KAZN: variants seen among roughly 807,000 people sequenced by gnomAD.
KAZN encodes kazrin.
A neutral mutation model predicts 87.4 loss-of-function variants in KAZN; 40 were observed. The ratio of observed to expected loss-of-function variants is 0.46; its 90% confidence interval spans 0.36 to 0.60. KAZN has a LOEUF of 0.60. KAZN is among the 20% of genes least tolerant of loss of function. The probability of loss-of-function intolerance (pLI) is 0.00; values close to 1 mark genes in which losing one functional copy is unlikely to be tolerated. For synonymous variants in KAZN, 466 were observed against 458.3 expected (o/e 1.02, Z -0.22); for missense variants, 898 against 1,073.9 (o/e 0.84, Z 2.29).
chr1:14,711,064 G>A (rs1344285778), intron 1 of KAZN, among the ~76,000 whole-genome samples: 1 of 152,120 alleles, frequency 6.6e-6, no homozygotes, highest in Admixed American at 6.5e-5. Flanking sequence ...ATGGTGGTGT[G>A]TGCTTGTAGA....
intron 1 of KAZN, among the ~76,000 whole-genome samples, chr1:13,941,183 C>G (rs971607969): frequency 1.3e-5 from 2 of 152,034 alleles, no homozygotes; most frequent in South Asian, 4.2e-4. Flanking sequence ...GAGCAGGACT[C>G]CATCTAAAAC....
chr1:14,075,291 T>G (rs1480511048), intron 1 of KAZN, among the ~76,000 whole-genome samples: 21 of 152,202 alleles, frequency 1.4e-4, no homozygotes, highest in Non-Finnish European at 5.9e-5. Flanking sequence ...TACACATAAG[T>G]TAAAGCAACT....
chr1:14,939,531 A>G (rs57302023), intron 1 of KAZN, among the ~76,000 whole-genome samples: 5,479 of 150,590 alleles, frequency 0.036, 314 homozygotes, highest in African/African-American at 0.12. Flanking sequence ...ACCTCAGCCT[A>G]CCAAAGTGCT....
intron 2 of KAZN, among the ~76,000 whole-genome samples, chr1:14,233,722 G>A (rs1648091766): frequency 6.6e-6 from 1 of 152,168 alleles, no homozygotes; most frequent in South Asian, 2.1e-4. Flanking sequence ...TAAAGTACTG[G>A]TCAGAAAACC....
rs533557423 is a variant in KAZN, at chr1:14,465,341, G to A, written c.250-133642G>A. On this transcript the variant is annotated intron_variant, in intron 2 of 16. Coordinates refer to the KAZN transcript ENST00000636203. ...GTGAACCCGGGAGGTGGAGCTGGCA[G>A]TGAGCTGAGATTGTGCCACTGCACT... Among the ~76,000 whole-genome samples the A allele has an allele frequency of 5.4e-5, 8 of 148,204 alleles. No homozygotes were observed. In the East Asian group the frequency reaches 1.6e-3, roughly 30 times the overall value.
At chr1:14,947,023 G>A (rs535824492) in intron 1 of KAZN, among the ~76,000 whole-genome samples, 5 of 152,302 alleles carry the variant, frequency 3.3e-5, no homozygotes, top group Non-Finnish European at 7.4e-5. Context: ...CCATCTTTCC[G>A]TGGGTTCTGG....
chr1:14,086,901 T>C (rs190721307), intron 1 of KAZN, among the ~76,000 whole-genome samples: 17 of 152,354 alleles, frequency 1.1e-4, no homozygotes, highest in Admixed American at 1.0e-3. Context: ...TCTGTGTTGT[T>C]ATGCAAATGC....
chr1:14,551,275 A>G (rs1008034982), intron 2 of KAZN, among the ~76,000 whole-genome samples: 1 of 152,158 alleles, frequency 6.6e-6, no homozygotes, highest in East Asian at 1.9e-4. Context: ...CACTGATCAC[A>G]GGGAAAATTA....
intron 8 of KAZN, 28 bp downstream of exon 8, chr1:15,065,781 A>G (rs1218751199): frequency 1.2e-6 from 2 of 1,612,498 alleles, no homozygotes; most frequent in Non-Finnish European, 8.5e-7. Context: ...TACATAGAGG[A>G]GGACGCGGAC....
In KAZN at chr1:14,190,283, T is replaced by C. The variant is rs535952128; in HGVS notation, c.249+9691T>C. On this transcript the variant is annotated intron_variant, in intron 2 of 16. Transcript: ENST00000636203. ...GAAAAATAAAGGTAGTGAAAGATTA[T>C]TGAGTACTTACTAGACGCCAAACAC... 2.6e-5 allele frequency among the ~76,000 whole-genome samples: 4 copies of C among 152,284 alleles called. 1 individual carries two copies. The East Asian group carries it at 7.7e-4, about 29-fold the overall frequency.
chr1:14,185,221 C>A (rs938049937), intron 2 of KAZN, among the ~76,000 whole-genome samples: 2 of 152,140 alleles, frequency 1.3e-5, no homozygotes, highest in East Asian at 3.9e-4. Context: ...AGAACTCTCT[C>A]CCTAGGTTCT....
At chr1:14,807,711 G>A (rs1646266850) in intron 1 of KAZN, among the ~76,000 whole-genome samples, 1 of 152,114 alleles carries the variant, frequency 6.6e-6, no homozygotes. Context: ...TGAGGCTGCA[G>A]TGAGCCATCA....
intron 2 of KAZN, among the ~76,000 whole-genome samples, chr1:14,469,958 G>C (rs1348069332): frequency 1.3e-5 from 2 of 152,146 alleles, no homozygotes; most frequent in Non-Finnish European, 2.9e-5. Context: ...TCATGGTTGG[G>C]AGCCAAATGG....
chr1:14,942,454 C>T (rs532640199), intron 1 of KAZN, among the ~76,000 whole-genome samples: 43 of 152,342 alleles, frequency 2.8e-4, no homozygotes, highest in Non-Finnish European at 5.4e-4. Context: ...ACGCTTCCGA[C>T]CCGCTCCAAA....
intron 3 of KAZN, among the ~76,000 whole-genome samples, chr1:15,041,250 C>A (rs1238819616): frequency 2.6e-5 from 4 of 151,656 alleles, no homozygotes; most frequent in African/African-American, 4.8e-5. Flanking sequence ...GCATGAGCCA[C>A]CGCACCCGGC....
chr1:14,659,881 T>C (rs1249481609), intron 1 of KAZN, among the ~76,000 whole-genome samples: 1 of 140,102 alleles, frequency 7.1e-6, no homozygotes, highest in Non-Finnish European at 1.6e-5. Flanking sequence ...ACACATTCTT[T>C]AAAAAAAAAA....
intron 2 of KAZN, among the ~76,000 whole-genome samples, chr1:14,256,377 T>C (rs1039319408): frequency 1.3e-4 from 20 of 151,656 alleles, no homozygotes; most frequent in Non-Finnish European, 2.2e-4. Flanking sequence ...TATGAAGTAA[T>C]GGTCTTACTG....
At chr1:14,505,700 G>A (rs189837841) in intron 2 of KAZN, among the ~76,000 whole-genome samples, 64 of 152,316 alleles carry the variant, frequency 4.2e-4, no homozygotes, top group African/African-American at 1.3e-3. Flanking sequence ...TTGGCTGGGC[G>A]CGGTGGCTCA....
At chr1:14,781,463 A>G (rs767983363) in intron 1 of KAZN, among the ~76,000 whole-genome samples, 2 of 152,220 alleles carry the variant, frequency 1.3e-5, no homozygotes, top group Non-Finnish European at 2.9e-5. Flanking sequence ...CAGCTTCAGA[A>G]GGGGATATTT....
Sources: allele counts gnomAD v4.1 joint callset (sites outside exome capture counted in the v4.1 genomes callset), GRCh38; gene constraint gnomAD v4.1.1; transcripts MANE v1.5; gene names NCBI Gene and HGNC (gene_info 2026-07-23, HGNC 2026-07-21).